The following RER1 variants were observed in gnomAD, a reference collection of about 807,000 sequenced individuals.
The protein encoded by RER1 is protein RER1.
A neutral mutation model predicts 28.3 loss-of-function variants in RER1; 6 were observed. That is an observed-to-expected ratio of 0.21 (90% CI 0.12 to 0.42). RER1 has a LOEUF of 0.42. Among genes scored for constraint, RER1 ranks in the 10% least tolerant of loss-of-function variants. The probability of loss-of-function intolerance (pLI) is 1.00; values close to 1 mark genes in which losing one functional copy is unlikely to be tolerated. For synonymous variants in RER1, 110 were observed against 95.9 expected (o/e 1.15, Z -0.86); for missense variants, 159 against 252.9 (o/e 0.63, Z 2.52).
intron 4 of RER1, among the ~76,000 whole-genome samples, chr1:2,399,767 C>T (rs781386427): frequency 6.6e-6 from 1 of 152,170 alleles, no homozygotes; most frequent in African/African-American, 2.4e-5. Context: ...GTAACGTGTT[C>T]GAGGTCACAT....
rs1241491773 is a variant in RER1, at chr1:2,403,575, C to A, written c.*451C>A. On this transcript the variant is annotated 3_prime_UTR_variant, in exon 7 of 7. Transcript: ENST00000605895. ...CCTGATTCCTGCGTGTCCGAAAGAA[C>A]TTAACGTTTTAAAGGTGATTGTCAA... 5.5e-6 allele frequency: 1 copy of A among 180,696 alleles called. No individual in the cohort carries two copies. The highest frequency in any genetic ancestry group is 2.4e-5 in the African/African-American group (1 of 41,854). The allele number at this position is 180,696 out of a possible 1,614,324, so 11.2% of individuals were successfully genotyped here. A position where few individuals can be genotyped will look rare whatever the true frequency, so the allele number is the denominator to read the frequency against.
chr1:2,400,363 G>T (rs149978260), intron 4 of RER1, among the ~76,000 whole-genome samples: 117 of 152,300 alleles, frequency 7.7e-4, no homozygotes, highest in African/African-American at 2.6e-3. Context: ...ATAACAAAGA[G>T]CCCCTTTCCT....
intron 1 of RER1, 76 bp from the exon 2 acceptor site, chr1:2,395,706 AGT>A: frequency 3.2e-6 from 3 of 948,628 alleles, no homozygotes; most frequent in Non-Finnish European, 5.2e-6. Context: ...CCTACTTGAC[AGT>A]GTTGGTGAAA....
intron 2 of RER1, among the ~76,000 whole-genome samples, chr1:2,396,554 TTAAAA>T (rs1288032912): frequency 1.3e-5 from 2 of 152,214 alleles, no homozygotes; most frequent in Non-Finnish European, 1.5e-5. Context: ...AATTTCTAAA[TTAAAA>T]TAAAAAACCA....
At chr1:2,399,720 A>G (rs1642817526) in intron 4 of RER1, among the ~76,000 whole-genome samples, 1 of 152,160 alleles carries the variant, frequency 6.6e-6, no homozygotes, top group South Asian at 2.1e-4. Context: ...CTGTTTTCCC[A>G]CTTTGCAGAT....
In RER1 at chr1:2,404,827, G is replaced by T. The variant is rs748760810; in HGVS notation, c.*1703G>T. On this transcript the variant is annotated 3_prime_UTR_variant, in exon 7 of 7. Coordinates refer to ENST00000605895, the MANE Select transcript of RER1 (RefSeq NM_007033.5). ...TTAGTAACGTACCCACATTTTGCTG[G>T]AGTTAGTTTATTAAAGATGCCTACG... 1 of 152,508 alleles carries T rather than the reference G, an allele frequency of 6.6e-6. No homozygotes were observed. The highest frequency in any genetic ancestry group is 2.1e-4 in the South Asian group (1 of 4,834). 9.4% of individuals were successfully genotyped at this position (152,508 alleles called of 1,614,324 possible).
At chr1:2,396,769 C>T (rs1286128966) in intron 2 of RER1, among the ~76,000 whole-genome samples, 1 of 152,120 alleles carries the variant, frequency 6.6e-6, no homozygotes, top group Non-Finnish European at 1.5e-5. Context: ...AAGGGCTGTG[C>T]TGTAGGGTGG....
chr1:2,399,357 T>G (rs527697924), intron 3 of RER1, 58 bp from the exon 4 acceptor site: 1 of 1,191,922 alleles, frequency 8.4e-7, no homozygotes, highest in South Asian at 1.2e-5. Context: ...AAACGTGAAC[T>G]GGCTCAGGCT....
At position 2,403,791 on chromosome 1, in the gene RER1, A is replaced by T. The variant is rs546451496; in HGVS notation, c.*667A>T. On this transcript the variant is annotated 3_prime_UTR_variant, in exon 7 of 7. Coordinates refer to ENST00000605895, the MANE Select transcript of RER1 (RefSeq NM_007033.5). ...TTTGACACATTTCTTTGATACGTAGAGTGTTTTGTTTTTAATTTAAATCTG... is the reference window on the plus strand; with the variant it reads ...TTTGACACATTTCTTTGATACGTAGTGTGTTTTGTTTTTAATTTAAATCTG... 1.3e-5 allele frequency: 2 copies of T among 152,350 alleles called. No individual in the cohort carries two copies. Among genetic ancestry groups the T allele is most frequent in the South Asian group, 2.1e-4 (1 of 4,792 alleles). 9.4% of individuals were successfully genotyped at this position (152,350 alleles called of 1,614,324 possible). A position where few individuals can be genotyped will look rare whatever the true frequency, so the allele number is the denominator to read the frequency against.
chr1:2,396,751 G>A (rs1339525959), intron 2 of RER1, among the ~76,000 whole-genome samples: 1 of 152,172 alleles, frequency 6.6e-6, no homozygotes, highest in Non-Finnish European at 1.5e-5. Flanking sequence ...GACTTGAGAT[G>A]TGACGATAAG....
rs1642966774 is a variant in RER1, at chr1:2,405,430, T to C, written c.*2306T>C. 2 of 462,174 alleles carry C rather than the reference T, an allele frequency of 4.3e-6. No individual in the cohort carries two copies. The highest frequency in any genetic ancestry group is 6.8e-5 in the Admixed American group (2 of 29,586). The allele number at this position is 462,174 out of a possible 1,614,324, so 28.6% of individuals were successfully genotyped here. On this transcript the variant is annotated 3_prime_UTR_variant, in exon 7 of 7. Transcript: ENST00000605895. ...CAATATAAACGAATAAAGTGTCTTC[T>C]GGCCTACTTCTGAATTACTTCTCAA...
intron 5 of RER1, among the ~76,000 whole-genome samples, chr1:2,401,247 CCTCCT>C (rs1642846801): frequency 3.1e-5 from 2 of 65,130 alleles, no homozygotes; most frequent in Non-Finnish European, 3.8e-5. Flanking sequence ...CTCCTTCCTC[CCTCCT>C]TCCTCCCTCC....
At chr1:2,396,955 C>T (rs941500346) in intron 2 of RER1, among the ~76,000 whole-genome samples, 161 bp from the exon 3 acceptor site, 2 of 152,240 alleles carry the variant, frequency 1.3e-5, no homozygotes, top group Non-Finnish European at 1.5e-5. Context: ...ATTGTAGTCA[C>T]TTCTTTGTGC....
chr1:2,401,153 GAGTGCGCACCGGC>G (rs897834796), intron 5 of RER1, among the ~76,000 whole-genome samples: 2 of 151,858 alleles, frequency 1.3e-5, no homozygotes, highest in African/African-American at 4.8e-5. Flanking sequence ...GTCTGGGATG[GAGTGCGCACCGGC>G]TTCTGTGGTT....
chr1:2,395,015 G>C (rs1313360487), intron 1 of RER1: 1 of 152,342 alleles, frequency 6.6e-6, no homozygotes, highest in Non-Finnish European at 1.5e-5. Context: ...GGCTTGGCCT[G>C]CCCAGAAGCA....
chr1:2,399,659 T>C, intron 4 of RER1, 145 bp downstream of exon 4: 2 of 633,336 alleles, frequency 3.2e-6, no homozygotes, highest in Admixed American at 5.3e-5. Context: ...AGGATATGTT[T>C]GTAGAATGAC....
At chr1:2,396,010 G>A (rs918618935) in intron 2 of RER1, 139 bp downstream of exon 2, 10 of 706,748 alleles carry the variant, frequency 1.4e-5, no homozygotes, top group Admixed American at 4.2e-5. Flanking sequence ...TGAAGACAGC[G>A]TTCTCTTCAC....
intron 5 of RER1, chr1:2,401,955 C>T: frequency 7.0e-7 from 1 of 1,421,544 alleles, no homozygotes; most frequent in Admixed American, 2.5e-5. Flanking sequence ...ATGCTTTATA[C>T]TTTGTGTAGT....
chr1:2,400,753 T>A (rs1375734131), intron 4 of RER1, 104 bp from the exon 5 acceptor site: 2 of 938,808 alleles, frequency 2.1e-6, no homozygotes, highest in African/African-American at 3.3e-5. Flanking sequence ...TGAATCTCGG[T>A]TTAGATTTGT....
Sources: gnomAD v4.1 joint callset for allele counts (sites outside exome capture counted in the v4.1 genomes callset) on GRCh38, gnomAD v4.1.1 for gene constraint, MANE v1.5 for transcripts, NCBI Gene and HGNC (gene_info 2026-07-23, HGNC 2026-07-21) for gene names.